DXO: variants seen among roughly 807,000 people sequenced by gnomAD.
DXO encodes decapping exoribonuclease.
DXO carries 42 observed loss-of-function variants against 39.8 expected under a neutral mutation model. That is an observed-to-expected ratio of 1.06 (90% CI 0.83 to 1.37). The LOEUF (loss-of-function observed/expected upper bound fraction) is 1.37. DXO is among the 40% of genes most tolerant of loss of function. The pLI, the probability that DXO is intolerant of heterozygous loss-of-function variation, is 0.00. For synonymous variants in DXO, 193 were observed against 200.4 expected (o/e 0.96, Z 0.31); for missense variants, 495 against 513.0 (o/e 0.96, Z 0.34).
rs796615211 is a variant in DXO, at chr6:31,970,785, G to C, written c.633C>G (p.Asn211Lys). 2.5e-6 allele frequency: 4 copies of C among 1,612,882 alleles called. No individual in the cohort carries two copies. In the African/African-American group the frequency reaches 5.3e-5, roughly 22 times the overall value. ...GCACAGAGCAGAAGGCCACGTTGGT[G>C]TTAACCTCCCCAGAGGGGTCTGGGG... ...GSSPDPSGEV[N>K]TNVAFCSVLR... is the part of the protein sequence containing the mutation. Residue 211 changes from asparagine (N) to lysine (K), a missense_variant, in exon 4 of 7, where the codon AAC becomes AAG. Coordinates refer to ENST00000337523, the MANE Select transcript of DXO (RefSeq NM_005510.4). This position sits in a 1 kb window ranked among gnomAD's most constrained non-coding sequence, Gnocchi z 4.0.
In DXO at chr6:31,971,811, A is replaced by T; in HGVS notation, c.-7+118T>A. On this transcript the variant is annotated intron_variant, in intron 1 of 6. Transcript: ENST00000337523. This position sits in a 1 kb window ranked among gnomAD's most constrained non-coding sequence, Gnocchi z 4.5. ...GAAACATTCAGGCCCCTCAGACGCC[A>T]CCGCGGCCAAGCTCTCATCCTGCCT... 1 of 1,312,990 alleles carries T rather than the reference A, an allele frequency of 7.6e-7. No homozygotes were observed. The highest frequency in any genetic ancestry group is 2.5e-5 in the East Asian group (1 of 39,830). 81.3% of individuals were successfully genotyped at this position (1,312,990 alleles called of 1,614,324 possible). A position where few individuals can be genotyped will look rare whatever the true frequency, so the allele number is the denominator to read the frequency against.
In DXO at chr6:31,971,811, A is replaced by G; in HGVS notation, c.-7+118T>C. The G allele has an allele frequency of 7.6e-7, 1 of 1,312,990 alleles. No individual in the cohort carries two copies. Among genetic ancestry groups the G allele is most frequent in the East Asian group, 2.5e-5 (1 of 39,830 alleles). 81.3% of individuals were successfully genotyped at this position (1,312,990 alleles called of 1,614,324 possible). A position where few individuals can be genotyped will look rare whatever the true frequency, so the allele number is the denominator to read the frequency against. ...GAAACATTCAGGCCCCTCAGACGCC[A>G]CCGCGGCCAAGCTCTCATCCTGCCT... On this transcript the variant is annotated intron_variant, in intron 1 of 6. Coordinates refer to ENST00000337523, the MANE Select transcript of DXO (RefSeq NM_005510.4). The surrounding 1 kb of genome is among the most constrained non-coding windows in gnomAD (Gnocchi z 4.5).
chr6:31,971,802 T>C lies in DXO; in HGVS notation c.-6-121A>G. The C allele has an allele frequency of 7.5e-7, 1 of 1,326,258 alleles. No individual in the cohort carries two copies. The highest frequency in any genetic ancestry group is 1.0e-6 in the Non-Finnish European group (1 of 994,390). 82.2% of individuals were successfully genotyped at this position (1,326,258 alleles called of 1,614,324 possible). A position where few individuals can be genotyped will look rare whatever the true frequency, so the allele number is the denominator to read the frequency against. ...TCTGGCCTTGAAACATTCAGGCCCC[T>C]CAGACGCCACCGCGGCCAAGCTCTC... On this transcript the variant is annotated intron_variant, in intron 1 of 6. Transcript: ENST00000337523. This position sits in a 1 kb window ranked among gnomAD's most constrained non-coding sequence, Gnocchi z 4.5.
rs1245979186 is a variant in DXO, at chr6:31,971,482, C to T, written c.194G>A (p.Arg65Gln). 4.3e-6 allele frequency: 7 copies of T among 1,613,924 alleles called. No individual in the cohort carries two copies. The highest frequency in any genetic ancestry group is 5.9e-6 in the Non-Finnish European group (7 of 1,180,030). Residue 65 changes from arginine (R) to glutamine (Q), a missense_variant, in exon 2 of 7, where the codon CGA (arginine) becomes CAA (glutamine). Transcript: ENST00000337523. The surrounding 1 kb of genome is among the most constrained non-coding windows in gnomAD (Gnocchi z 4.5). ...DAQRQYHGDA[R>Q]ALRYYSPPPT... ...GGGTGGGCTATAGTAGCGCAGGGCT[C>T]GGGCATCTCCATGGTACTGGCGTTG...
Position 31,971,395 on chromosome 6 carries a change from G to A in DXO, c.281C>T (p.Pro94Leu). The part of the protein sequence containing the change: ...LRDGYPDRYQ[P>L]RDEEVQERLD... ...CCTTTCCTGGACCTCCTCGTCCCGG[G>A]GCTGGTATCGATCCGGGTATCCGTC... The change falls in exon 2 of 7, where the codon CCC becomes CTC. Residue 94 changes from proline to leucine, a missense_variant. Physicochemically the swap from Pro to Leu is moderately conservative, Grantham distance 98. Transcript: ENST00000337523. The surrounding 1 kb of genome is among the most constrained non-coding windows in gnomAD (Gnocchi z 4.5). 1.3e-6 allele frequency: 2 copies of A among 1,595,912 alleles called. No individual in the cohort carries two copies. The highest frequency in any genetic ancestry group is 3.4e-5 in the Admixed American group (2 of 58,948).
At position 31,970,679 on chromosome 6, in the gene DXO, GCTGTGTGGATGGGGCTTGGGGGT is replaced by G. The variant is rs1440572158; in HGVS notation, c.716_738del (p.Asp239AlafsTer49). On this transcript the variant is annotated frameshift_variant, in exon 4 of 7. Transcript: ENST00000337523. LOFTEE classifies it high-confidence loss of function. The surrounding 1 kb of genome is among the most constrained non-coding windows in gnomAD (Gnocchi z 4.0). ...TTGAGCTCCACATAGCAGGTTGGGG[GCTGTGTGGATGGGGCTTGGGGGT>G]CTGTGCAGTCTACCTCCCCTGAGAA... 2 of 1,613,030 alleles carry G rather than the reference GCTGTGTGGATGGGGCTTGGGGGT, an allele frequency of 1.2e-6. No homozygotes were observed. Among genetic ancestry groups the G allele is most frequent in the Admixed American group, 3.3e-5 (2 of 60,022 alleles).
chr6:31,971,744 T>C lies in DXO; in HGVS notation c.-6-63A>G, dbSNP rs1179640129. On this transcript the variant is annotated intron_variant, in intron 1 of 6. Transcript: ENST00000337523. The surrounding 1 kb of genome is among the most constrained non-coding windows in gnomAD (Gnocchi z 4.5). ...AGGAGGCCTGGAGAAGGATGACTGG[T>C]TTAGGACTAAGCGAGCCACCTGATC... 1.8e-5 allele frequency: 27 copies of C among 1,483,764 alleles called. No individual in the cohort carries two copies. The highest frequency in any genetic ancestry group is 2.4e-5 in the Non-Finnish European group (27 of 1,114,424). 91.9% of individuals were successfully genotyped at this position (1,483,764 alleles called of 1,614,324 possible). A position where few individuals can be genotyped will look rare whatever the true frequency, so the allele number is the denominator to read the frequency against.
At position 31,970,492 on chromosome 6, in the gene DXO, C is replaced by T. The variant is rs1326477528; in HGVS notation, c.813-14G>A. 1 of 1,613,918 alleles carries T rather than the reference C, an allele frequency of 6.2e-7. No homozygotes were observed. Among genetic ancestry groups the T allele is most frequent in the Admixed American group, 1.7e-5 (1 of 60,008 alleles). On this transcript the variant is annotated splice_polypyrimidine_tract_variant and intron_variant, in intron 4 of 6. Transcript: ENST00000337523. This position sits in a 1 kb window ranked among gnomAD's most constrained non-coding sequence, Gnocchi z 4.0. ...AGGAGCTTGTGTCTGACAGGAAAAGCAAGGGATCAGTGGGACCCCTCGTGC... is the reference window on the plus strand; with the variant it reads ...AGGAGCTTGTGTCTGACAGGAAAAGTAAGGGATCAGTGGGACCCCTCGTGC...
chr6:31,971,819 CA>C lies in DXO; in HGVS notation c.-7+109del. On this transcript the variant is annotated intron_variant, in intron 1 of 6. Coordinates refer to ENST00000337523, the MANE Select transcript of DXO (RefSeq NM_005510.4). The surrounding 1 kb of genome is among the most constrained non-coding windows in gnomAD (Gnocchi z 4.5). The stretch of plus-strand genomic sequence containing the variant: ...CAGGCCCCTCAGACGCCACCGCGGC[CA>C]AGCTCTCATCCTGCCTCTTTCCTTG... 1 of 1,319,782 alleles carries C rather than the reference CA, an allele frequency of 7.6e-7. No homozygotes were observed. The highest frequency in any genetic ancestry group is 1.0e-6 in the Non-Finnish European group (1 of 988,746). The allele number at this position is 1,319,782 out of a possible 1,614,324, so 81.8% of individuals were successfully genotyped here. A position where few individuals can be genotyped will look rare whatever the true frequency, so the allele number is the denominator to read the frequency against.
chr6:31,970,233 TGGGCAGTGG>T lies in DXO; in HGVS notation c.949-39_949-31del. 6.2e-7 allele frequency: 1 copy of T among 1,613,046 alleles called. No individual in the cohort carries two copies. Among genetic ancestry groups the T allele is most frequent in the Non-Finnish European group, 8.5e-7 (1 of 1,179,824 alleles). On this transcript the variant is annotated intron_variant, in intron 5 of 6. Coordinates refer to ENST00000337523, the MANE Select transcript of DXO (RefSeq NM_005510.4). This position sits in a 1 kb window ranked among gnomAD's most constrained non-coding sequence, Gnocchi z 4.0. ...AGCAGGCAGAGGAGGAGGCAGAAGATGGGCAGTGGGGGTGGTGGGAGGAGAGAAGGCAGG... is the reference window on the plus strand; with the variant it reads ...AGCAGGCAGAGGAGGAGGCAGAAGATGGGTGGTGGGAGGAGAGAAGGCAGG...
Position 31,971,265 on chromosome 6 carries a change from AT to A in DXO, c.356+54del. On this transcript the variant is annotated intron_variant, in intron 2 of 6. Coordinates refer to ENST00000337523, the MANE Select transcript of DXO (RefSeq NM_005510.4). This position sits in a 1 kb window ranked among gnomAD's most constrained non-coding sequence, Gnocchi z 4.5. Reference sequence around the variant, plus strand: ...TCTCACCCCGGCTTTGGCTCTCCTAATTTTAGAGGGTAGGTACGGGTCTCCA... The same window carrying A: ...TCTCACCCCGGCTTTGGCTCTCCTAATTTAGAGGGTAGGTACGGGTCTCCA... The A allele has an allele frequency of 6.5e-7, 1 of 1,540,306 alleles. No homozygotes were observed. Among genetic ancestry groups the A allele is most frequent in the Non-Finnish European group, 8.8e-7 (1 of 1,142,808 alleles).
In DXO at chr6:31,970,158, C is replaced by A; in HGVS notation, c.994G>T (p.Ala332Ser). Reference sequence around the variant, plus strand: ...CTCTGGGCAAAGCTAAGGAAGGCGGCACAGAAGTTCATGCACACAGAGGGA... The same window carrying A: ...CTCTGGGCAAAGCTAAGGAAGGCGGAACAGAAGTTCATGCACACAGAGGGA... Reference protein sequence around the residue: ...WNPSVCMNFCAAFLSFAQSTV... With the variant: ...WNPSVCMNFCSAFLSFAQSTV... Residue 332 changes from alanine (A) to serine (S), a missense_variant, in exon 6 of 7, where the codon GCC (alanine) becomes TCC (serine). Transcript: ENST00000337523. The surrounding 1 kb of genome is among the most constrained non-coding windows in gnomAD (Gnocchi z 4.0). 6.2e-7 allele frequency: 1 copy of A among 1,613,902 alleles called. No individual in the cohort carries two copies. The highest frequency in any genetic ancestry group is 2.2e-5 in the East Asian group (1 of 44,870).
In DXO at chr6:31,970,979, A is replaced by G; in HGVS notation, c.525T>C (p.Leu175=). 3 of 1,613,014 alleles carry G rather than the reference A, an allele frequency of 1.9e-6. No individual in the cohort carries two copies. In the South Asian group the frequency reaches 3.3e-5, roughly 18 times the overall value. Residue 175 remains leucine (L), a synonymous_variant, in exon 3 of 7, where the codon CTT becomes CTC. Coordinates refer to ENST00000337523, the MANE Select transcript of DXO (RefSeq NM_005510.4). This position sits in a 1 kb window ranked among gnomAD's most constrained non-coding sequence, Gnocchi z 4.0. ...VETPNARAQR[L]ARPPLLRELM... Reference sequence around the variant, plus strand: ...GCTCCCGGAGGAGCGGTGGCCGAGCAAGCCTCTGGGCCCGAGCGTTCGGTG... The same window carrying G: ...GCTCCCGGAGGAGCGGTGGCCGAGCGAGCCTCTGGGCCCGAGCGTTCGGTG...
In DXO at chr6:31,969,899, G is replaced by T; in HGVS notation, c.1169C>A (p.Pro390His). Reference sequence around the variant, plus strand: ...TTACTATTTGGGAGAGGGAGTCTTGGGGGGTGATGGGAGGTCCTGAGTCAT... The same window carrying T: ...TTACTATTTGGGAGAGGGAGTCTTGTGGGGTGATGGGAGGTCCTGAGTCAT... ...EAMTQDLPSP[P>H]KTPSPK The change falls in exon 7 of 7, where the codon CCC becomes CAC. Residue 390 changes from proline to histidine, a missense_variant. Physicochemically the swap from Pro to His is moderately conservative, Grantham distance 77 (BLOSUM62 -2). Coordinates refer to ENST00000337523, the MANE Select transcript of DXO (RefSeq NM_005510.4). The surrounding 1 kb of genome is among the most constrained non-coding windows in gnomAD (Gnocchi z 6.1). 6.2e-7 allele frequency: 1 copy of T among 1,614,102 alleles called. No individual in the cohort carries two copies. Among genetic ancestry groups the T allele is most frequent in the South Asian group, 1.1e-5 (1 of 91,076 alleles).
At position 31,970,026 on chromosome 6, in the gene DXO, TG is replaced by T; in HGVS notation, c.1044-3del. 1 of 1,613,710 alleles carries T rather than the reference TG, an allele frequency of 6.2e-7. No individual in the cohort carries two copies. The highest frequency in any genetic ancestry group is 1.3e-5 in the African/African-American group (1 of 74,892). On this transcript the variant is annotated splice_polypyrimidine_tract_variant and splice_region_variant and intron_variant, in intron 6 of 6. Coordinates refer to ENST00000337523, the MANE Select transcript of DXO (RefSeq NM_005510.4). This position sits in a 1 kb window ranked among gnomAD's most constrained non-coding sequence, Gnocchi z 4.0. ...TCCCAAGAGAAGAGATGAACGAGCCTGGGGGGCAGATGGAGGCATCAGTTGA... is the reference window on the plus strand; with the variant it reads ...TCCCAAGAGAAGAGATGAACGAGCCTGGGGGCAGATGGAGGCATCAGTTGA...
rs770229719 is a variant in DXO, at chr6:31,970,466, C to T, written c.825G>A (p.Leu275=). 6.2e-7 allele frequency: 1 copy of T among 1,614,082 alleles called. No individual in the cohort carries two copies. Among genetic ancestry groups the T allele is most frequent in the Admixed American group, 1.7e-5 (1 of 60,024 alleles). ...GGAGGAATGACTGAGCCCACCATTT[C>T]AGGAGCTTGTGTCTGACAGGAAAAG... is the stretch of plus-strand genomic sequence containing the variant. ...QWRSFYRHKL[L]KWWAQSFLPG... is the part of the protein sequence containing the mutation. Residue 275 remains leucine, a synonymous_variant, in exon 5 of 7, where the codon CTG becomes CTA. Transcript: ENST00000337523. The surrounding 1 kb of genome is among the most constrained non-coding windows in gnomAD (Gnocchi z 4.0).
chr6:31,970,665 A>G lies in DXO; in HGVS notation c.753T>C (p.Tyr251=), dbSNP rs952532554. The G allele has an allele frequency of 7.4e-6, 12 of 1,612,878 alleles. No homozygotes were observed. The African/African-American group carries it at 1.1e-4, about 14-fold the overall frequency. Residue 251 remains tyrosine, a synonymous_variant, in exon 4 of 7, where the codon TAT becomes TAC. Transcript: ENST00000337523. This position sits in a 1 kb window ranked among gnomAD's most constrained non-coding sequence, Gnocchi z 4.0. ...TCTCCTTGGAGGTCTTGAGCTCCAC[A>G]TAGCAGGTTGGGGGCTGTGTGGATG... ...QAPSTQPPTC[Y]VELKTSKEMH... is the part of the protein sequence containing the mutation.
chr6:31,971,308 C>T lies in DXO; in HGVS notation c.356+12G>A, dbSNP rs779097572. ...GGGTCTCCAGATATACTGCCTACCACGCTTTGCTCACCCCTCCAACCGGCC... is the reference window on the plus strand; with the variant it reads ...GGGTCTCCAGATATACTGCCTACCATGCTTTGCTCACCCCTCCAACCGGCC... On this transcript the variant is annotated intron_variant, in intron 2 of 6. Coordinates refer to ENST00000337523, the MANE Select transcript of DXO (RefSeq NM_005510.4). This position sits in a 1 kb window ranked among gnomAD's most constrained non-coding sequence, Gnocchi z 4.5. 1.3e-6 allele frequency: 2 copies of T among 1,538,522 alleles called. No homozygotes were observed. The highest frequency in any genetic ancestry group is 1.8e-6 in the Non-Finnish European group (2 of 1,141,884).
rs746791589 is a variant in DXO at position 31,970,413 on chromosome 6, AAGC to A, written c.875_877del (p.Gly292_Phe293delinsVal). ...AGAGACAAAACCGTCTGGGTTACGG[AAGC>A]CAGCAACAACATTCGGGACCCCTGG... On this transcript the variant is annotated inframe_deletion, in exon 5 of 7. Transcript: ENST00000337523. This position sits in a 1 kb window ranked among gnomAD's most constrained non-coding sequence, Gnocchi z 4.0. The A allele has an allele frequency of 3.7e-6, 6 of 1,614,054 alleles. No individual in the cohort carries two copies. In the South Asian group the frequency reaches 6.6e-5, roughly 18 times the overall value.
Sources: allele counts gnomAD v4.1 joint callset, GRCh38; gene constraint gnomAD v4.1.1; non-coding constraint Gnocchi (gnomAD v3.1); transcripts MANE v1.5; gene names NCBI Gene and HGNC (gene_info 2026-07-23, HGNC 2026-07-21).